The following FAM228B variants were observed in gnomAD, a reference collection of about 807,000 sequenced individuals.
FAM228B encodes family with sequence similarity 228 member B.
FAM228B carries 38 observed loss-of-function variants against 42.6 expected under a neutral mutation model. The ratio of observed to expected loss-of-function variants is 0.89; its 90% confidence interval spans 0.69 to 1.17. FAM228B has a LOEUF of 1.17. FAM228B is among the 50% of genes most tolerant of loss of function. The pLI, the probability that FAM228B is intolerant of heterozygous loss-of-function variation, is 0.00. For missense variants in FAM228B, 344 were observed against 367.3 expected (o/e 0.94, Z 0.52); for synonymous variants, 109 against 122.3 (o/e 0.89, Z 0.72).
chr2:24,121,559 C>T, upstream of FAM228B, among the ~76,000 whole-genome samples: 1 of 152,124 alleles, frequency 6.6e-6, no homozygotes, highest in East Asian at 1.9e-4. Context: ...TGTTTTTCCT[C>T]TACAATTGCA....
intron 3 of FAM228B, among the ~76,000 whole-genome samples, chr2:24,117,316 G>A (rs1485244679): frequency 6.6e-6 from 1 of 151,634 alleles, no homozygotes; most frequent in Non-Finnish European, 1.5e-5. Context: ...GCACAAACCT[G>A]ATTAATTTGT....
At chr2:24,082,824 T>C (rs1443149628) in intron 2 of FAM228B, 112 of 1,520,518 alleles carry the variant, frequency 7.4e-5, no homozygotes, top group Non-Finnish European at 9.6e-5. Flanking sequence ...GGGATTCAAG[T>C]TGGCTGATTT....
intron 3 of FAM228B, among the ~76,000 whole-genome samples, chr2:24,136,705 T>G (rs1360890681): frequency 6.6e-6 from 1 of 152,216 alleles, no homozygotes; most frequent in Non-Finnish European, 1.5e-5. Flanking sequence ...GTCTCCCACT[T>G]TGGGAGTCTT....
chr2:24,090,277 C>T (rs1246183939), intron 2 of FAM228B, among the ~76,000 whole-genome samples: 1 of 149,102 alleles, frequency 6.7e-6, no homozygotes, highest in East Asian at 2.0e-4. Flanking sequence ...CAAAAACAAA[C>T]AAACAAACAA....
intron 2 of FAM228B, among the ~76,000 whole-genome samples, chr2:24,094,500 C>G (rs765872460): frequency 6.6e-6 from 1 of 152,086 alleles, no homozygotes; most frequent in Non-Finnish European, 1.5e-5. Flanking sequence ...TTCCCCCTCC[C>G]GAGAGACAGA....
At chr2:24,158,951 AG>A (rs1015792359) in intron 7 of FAM228B, among the ~76,000 whole-genome samples, 2 of 152,154 alleles carry the variant, frequency 1.3e-5, no homozygotes, top group African/African-American at 4.8e-5. Flanking sequence ...CTCTCTCTGA[AG>A]GCTCCTTGTC....
rs8179797 is a variant in FAM228B at position 24,164,564 on chromosome 2, C to T, written c.932+229C>T. Reference sequence around the variant, plus strand: ...ACGATGAGGGTGCCCCCTGGTGGAGCCACACGATGAGGGTGCCCCCTGGTG... The same window carrying T: ...ACGATGAGGGTGCCCCCTGGTGGAGTCACACGATGAGGGTGCCCCCTGGTG... On this transcript the variant is annotated intron_variant, in intron 9 of 10. Transcript: ENST00000615575. 2.7e-3 allele frequency among the ~76,000 whole-genome samples: 19 copies of T among 6,944 alleles called. No homozygotes were observed. The South Asian group carries it at 0.14, about 51-fold the overall frequency. 4.6% of individuals were successfully genotyped at this position (6,944 alleles called of 152,430 possible). A position where few individuals can be genotyped will look rare whatever the true frequency, so the allele number is the denominator to read the frequency against.
chr2:24,140,250 C>T (rs560630135), intron 5 of FAM228B, among the ~76,000 whole-genome samples: 2 of 152,306 alleles, frequency 1.3e-5, no homozygotes, highest in Non-Finnish European at 2.9e-5. Flanking sequence ...GATCTCTGCT[C>T]ATTGCAACCT....
At chr2:24,140,636 T>A (rs1418329232) in intron 5 of FAM228B, among the ~76,000 whole-genome samples, 2 of 152,158 alleles carry the variant, frequency 1.3e-5, no homozygotes, top group African/African-American at 4.8e-5. Flanking sequence ...TTATTAACTA[T>A]AGCCATCATA....
At chr2:24,143,175 C>CT (rs1463465325) in intron 5 of FAM228B, among the ~76,000 whole-genome samples, 1 of 150,740 alleles carries the variant, frequency 6.6e-6, no homozygotes, top group African/African-American at 2.4e-5. Flanking sequence ...CTTTTTTTTT[C>CT]TTTTTTGGTT....
intron 5 of FAM228B, among the ~76,000 whole-genome samples, chr2:24,143,538 A>G (rs1666815655): frequency 6.6e-6 from 1 of 152,152 alleles, no homozygotes; most frequent in Admixed American, 6.5e-5. Context: ...GATTTTCTTC[A>G]TATATGACAA....
At chr2:24,124,154 G>A in intron 1 of FAM228B, 176 bp from the exon 2 acceptor site, 2 of 451,320 alleles carry the variant, frequency 4.4e-6, no homozygotes, top group Non-Finnish European at 7.9e-6. Flanking sequence ...TGCTTATAAA[G>A]GAGGCTGGCT....
chr2:24,164,112 C>A, intron 8 of FAM228B, 86 bp from the exon 9 acceptor site: 1 of 1,247,182 alleles, frequency 8.0e-7, no homozygotes, highest in Non-Finnish European at 1.1e-6. Context: ...TAGAACTCAT[C>A]AACTTCAAAT....
rs1665150163 is a variant in FAM228B, at chr2:24,084,244, C to G, written c.-210+3289C>G. 6.2e-7 allele frequency: 1 copy of G among 1,613,972 alleles called. No individual in the cohort carries two copies. The highest frequency in any genetic ancestry group is 1.3e-5 in the African/African-American group (1 of 74,942). On this transcript the variant is annotated intron_variant, in intron 2 of 10. Coordinates refer to the FAM228B transcript ENST00000613899. The surrounding 1 kb of genome is among the most constrained non-coding windows in gnomAD (Gnocchi z 8.4). Reference sequence around the variant, plus strand: ...GGCCGCCACCTTCAGGAGGACTTCACCCTCCCCCGGGCTCGGCTTGGCCAC... The same window carrying G: ...GGCCGCCACCTTCAGGAGGACTTCAGCCTCCCCCGGGCTCGGCTTGGCCAC...
At chr2:24,141,552 G>A (rs1006527733) in intron 5 of FAM228B, among the ~76,000 whole-genome samples, 3 of 150,940 alleles carry the variant, frequency 2.0e-5, no homozygotes, top group Non-Finnish European at 4.4e-5. Flanking sequence ...CCTAATTTTT[G>A]TATTTTTAGT....
chr2:24,156,709 A>C (rs1035851284), intron 7 of FAM228B, among the ~76,000 whole-genome samples: 4 of 151,582 alleles, frequency 2.6e-5, no homozygotes, highest in Non-Finnish European at 5.9e-5. Flanking sequence ...CTCATGTCCA[A>C]TCTATAATAA....
chr2:24,114,013 C>T (rs1665844433), intron 3 of FAM228B, among the ~76,000 whole-genome samples: 1 of 152,108 alleles, frequency 6.6e-6, no homozygotes, highest in Admixed American at 6.6e-5. Context: ...CTTGGCCATC[C>T]AAGCTCAGAA....
At chr2:24,097,042 G>A (rs1665511144) in intron 3 of FAM228B, 1 of 152,006 alleles carries the variant, frequency 6.6e-6, no homozygotes, top group Non-Finnish European at 1.5e-5. Context: ...ATAAGTAAAG[G>A]AAAAATAAAA....
chr2:24,079,161 C>T (rs1664887269), intron 1 of FAM228B: 2 of 358,900 alleles, frequency 5.6e-6, no homozygotes, highest in African/African-American at 2.0e-5. Context: ...CTTGGAACTA[C>T]TCGAAATACT....
Sources: gnomAD v4.1 joint callset for allele counts (sites outside exome capture counted in the v4.1 genomes callset) on GRCh38, gnomAD v4.1.1 for gene constraint, Gnocchi (gnomAD v3.1) non-coding constraint, MANE v1.5 for transcripts, NCBI Gene and HGNC (gene_info 2026-07-23, HGNC 2026-07-21) for gene names.